Variants in GRIN2D observed in about 807,000 individuals in gnomAD.
The protein encoded by GRIN2D is glutamate ionotropic receptor NMDA type subunit 2D, also known as glutamate receptor ionotropic, NMDA 2D.
GRIN2D carries 37 observed loss-of-function variants against 103.2 expected under a neutral mutation model. That is an observed-to-expected ratio of 0.36 (90% CI 0.28 to 0.47). GRIN2D has a LOEUF of 0.47. Ranked by LOEUF, GRIN2D falls within the 20% of genes least tolerant of loss-of-function variation. The pLI, the probability that GRIN2D is intolerant of heterozygous loss-of-function variation, is 1.00. For synonymous variants in GRIN2D, 845 were observed against 885.6 expected (o/e 0.95, Z 0.81); for missense variants, 1,557 against 1,910.6 (o/e 0.81, Z 3.45).
chr19:48,397,576 GTCT>G (rs756029589), intron 2 of GRIN2D, among the ~76,000 whole-genome samples: 2 of 151,628 alleles, frequency 1.3e-5, no homozygotes, highest in African/African-American at 2.4e-5. Context: ...CTGCCTTGCT[GTCT>G]TCTTCTCTGT....
chr19:48,401,740 C>T (rs1970712665), intron 3 of GRIN2D, among the ~76,000 whole-genome samples: 1 of 152,158 alleles, frequency 6.6e-6, no homozygotes, highest in Non-Finnish European at 1.5e-5. Flanking sequence ...GGGATGTGAT[C>T]CAATTAATAT....
At chr19:48,413,498 AAAAC>A (rs1600977785) in intron 4 of GRIN2D, among the ~76,000 whole-genome samples, 1 of 151,516 alleles carries the variant, frequency 6.6e-6, no homozygotes, top group Non-Finnish European at 1.5e-5. Flanking sequence ...AACAAAAACA[AAAAC>A]AAACAAAATA....
At chr19:48,395,065 AC>A in intron 2 of GRIN2D, 129 bp downstream of exon 2, 1 of 152,316 alleles carries the variant, frequency 6.6e-6, no homozygotes, top group East Asian at 1.9e-4. Flanking sequence ...CTTGACCCCC[AC>A]CTAGCTCCCC....
chr19:48,418,751 G>A (rs1459830693), intron 8 of GRIN2D, among the ~76,000 whole-genome samples: 1 of 152,064 alleles, frequency 6.6e-6, no homozygotes, highest in African/African-American at 2.4e-5. Flanking sequence ...CGTGGGAGCT[G>A]GTCTGGGCTC....
In GRIN2D at chr19:48,443,412, C is replaced by T. The variant is rs775401234; in HGVS notation, c.3486C>T (p.Arg1162=). The change falls in exon 14 of 14, where the codon CGC becomes CGT. Residue 1162 remains arginine (R), a synonymous_variant. Transcript: ENST00000263269. The surrounding 1 kb of genome is among the most constrained non-coding windows in gnomAD (Gnocchi z 8.9). ...CGGTCGACAAGCTCGGGGGCTGGCG[C>T]GCCGGGAGCTGGGACTACCTGCCCC... The part of the protein sequence containing the change: ...YWSVDKLGGW[R]AGSWDYLPPR... 1.4e-4 allele frequency: 195 copies of T among 1,406,800 alleles called. 1 individual carries two copies. The highest frequency in any genetic ancestry group is 1.7e-4 in the Non-Finnish European group (187 of 1,083,834). 87.1% of individuals were successfully genotyped at this position (1,406,800 alleles called of 1,614,324 possible).
Position 48,443,110 on chromosome 19 carries a change from C to T in GRIN2D, c.3184C>T (p.Pro1062Ser). The change falls in exon 14 of 14, where the codon CCG (proline) becomes TCG (serine). Residue 1062 changes from proline (P) to serine (S), a missense_variant. This residue lies in a region of GRIN2D where 632 missense variants were observed against 572.8 expected (regional missense o/e 1.10). Coordinates refer to ENST00000263269, the MANE Select transcript of GRIN2D (RefSeq NM_000836.4). This position sits in a 1 kb window ranked among gnomAD's most constrained non-coding sequence, Gnocchi z 8.9. The part of the protein sequence containing the change: ...DESPPAPARW[P>S]RSDPESQPLL... ...GAGCCCGCCGGCGCCCGCGCGGTGG[C>T]CGCGCTCGGACCCCGAGAGCCAACC... 1 of 1,019,060 alleles carries T rather than the reference C, an allele frequency of 9.8e-7. No homozygotes were observed. The highest frequency in any genetic ancestry group is 1.2e-6 in the Non-Finnish European group (1 of 850,126). The allele number at this position is 1,019,060 out of a possible 1,614,324, so 63.1% of individuals were successfully genotyped here.
At chr19:48,397,495 A>C in intron 2 of GRIN2D, among the ~76,000 whole-genome samples, 1 of 145,458 alleles carries the variant, frequency 6.9e-6, no homozygotes, top group South Asian at 2.2e-4. Flanking sequence ...GCCTCCCTCA[A>C]TCTCAATTGT....
At chr19:48,418,141 C>T (rs932177816) in intron 8 of GRIN2D, among the ~76,000 whole-genome samples, 2 of 150,648 alleles carry the variant, frequency 1.3e-5, no homozygotes, top group Admixed American at 1.3e-4. Context: ...TCAAGCAATT[C>T]TCCTGCCTCA....
chr19:48,402,442 G>A (rs1970727751), intron 3 of GRIN2D, among the ~76,000 whole-genome samples: 1 of 152,092 alleles, frequency 6.6e-6, no homozygotes, highest in African/African-American at 2.4e-5. Flanking sequence ...TCCTGGCCGG[G>A]CGCGGTGGCT....
chr19:48,406,872 A>G (rs1970798633), intron 4 of GRIN2D, among the ~76,000 whole-genome samples: 1 of 152,214 alleles, frequency 6.6e-6, no homozygotes, highest in South Asian at 2.1e-4. Context: ...TTGGAAAAAT[A>G]AACACACAGA....
rs1003470449 is a variant in GRIN2D, at chr19:48,394,619, C to T, written c.-305-39C>T. Among the ~76,000 whole-genome samples, 1 of 152,130 alleles carries T rather than the reference C, an allele frequency of 6.6e-6. No homozygotes were observed. The highest frequency in any genetic ancestry group is 1.5e-5 in the Non-Finnish European group (1 of 68,008). On this transcript the variant is annotated intron_variant, in intron 1 of 13. Transcript: ENST00000263269. This position sits in a 1 kb window ranked among gnomAD's most constrained non-coding sequence, Gnocchi z 5.1. ...ACGGGGTCGGGGCGGCAAGAGGACACCCCGACAGCCTCTGCAATGTCCGGG... is the reference window on the plus strand; with the variant it reads ...ACGGGGTCGGGGCGGCAAGAGGACATCCCGACAGCCTCTGCAATGTCCGGG...
At chr19:48,426,220 C>CTTTTTTTTTTT (rs1253186603) in intron 11 of GRIN2D, among the ~76,000 whole-genome samples, 3,782 of 126,330 alleles carry the variant, frequency 0.03, 93 homozygotes, top group African/African-American at 0.091. Flanking sequence ...TTCTTTCTTT[C>CTTTTTTTTTTT]TTTCTTTTTT....
At chr19:48,410,359 C>T (rs1177241353) in intron 4 of GRIN2D, among the ~76,000 whole-genome samples, 1 of 151,064 alleles carries the variant, frequency 6.6e-6, no homozygotes, top group African/African-American at 2.4e-5. Flanking sequence ...AAAACCCCGT[C>T]TCTACTAAAA....
At chr19:48,441,126 A>G (rs1971285982) in intron 11 of GRIN2D, among the ~76,000 whole-genome samples, 1 of 151,980 alleles carries the variant, frequency 6.6e-6, no homozygotes, top group African/African-American at 2.4e-5. Flanking sequence ...GCACTTTGGG[A>G]GGCTGAGACA....
In GRIN2D at chr19:48,394,010, G is replaced by A. The variant is rs1011214711; in HGVS notation, c.-306+142G>A. Among the ~76,000 whole-genome samples, 10 of 152,098 alleles carry A rather than the reference G, an allele frequency of 6.6e-5. No homozygotes were observed. Among genetic ancestry groups the A allele is most frequent in the Non-Finnish European group, 1.5e-4 (10 of 68,000 alleles). On this transcript the variant is annotated intron_variant, in intron 1 of 13. Coordinates refer to ENST00000263269, the MANE Select transcript of GRIN2D (RefSeq NM_000836.4). The surrounding 1 kb of genome is among the most constrained non-coding windows in gnomAD (Gnocchi z 5.1). ...CCTGCCTGGGTGTCGTGGGGCTCCC[G>A]CTCCTTCCCCCCGGCCCCCCCAAAC...
At chr19:48,413,188 A>G (rs1182278130) in intron 4 of GRIN2D, among the ~76,000 whole-genome samples, 3 of 141,798 alleles carry the variant, frequency 2.1e-5, no homozygotes, top group Non-Finnish European at 4.6e-5. Flanking sequence ...AAAAAAAAAA[A>G]AAGAAAGAGG....
chr19:48,441,891 C>A lies in GRIN2D; in HGVS notation c.2375C>A (p.Ala792Asp). ...KVFATTGYGI[A>D]LHKGSRWKRP... ...TTCGCCACGACAGGCTATGGCATCG[C>A]CCTGCACAAGGGCTCCCGCTGGAAG... Residue 792 changes from alanine (A) to aspartate (D), a missense_variant, in exon 12 of 14, where the codon GCC becomes GAC. By Grantham distance (126) the Ala-to-Asp change is moderately radical. Transcript: ENST00000263269. 1 of 1,613,336 alleles carries A rather than the reference C, an allele frequency of 6.2e-7. No individual in the cohort carries two copies. Among genetic ancestry groups the A allele is most frequent in the African/African-American group, 1.3e-5 (1 of 75,082 alleles).
intron 11 of GRIN2D, among the ~76,000 whole-genome samples, chr19:48,436,616 C>G (rs1390843226): frequency 6.6e-6 from 1 of 152,206 alleles, no homozygotes; most frequent in East Asian, 1.9e-4. Flanking sequence ...AAACCATGAA[C>G]AGAATTCCTT....
At chr19:48,399,385 T>A (rs1019598581) in intron 3 of GRIN2D, among the ~76,000 whole-genome samples, 3 of 152,036 alleles carry the variant, frequency 2.0e-5, no homozygotes, top group Non-Finnish European at 4.4e-5. Context: ...CTGGCCAACA[T>A]GGTGAAACCC....
Sources: gnomAD v4.1 joint callset for allele counts (sites outside exome capture counted in the v4.1 genomes callset) on GRCh38, gnomAD v4.1.1 for gene constraint, gnomAD v4.1.1 regional missense constraint, Gnocchi (gnomAD v3.1) non-coding constraint, MANE v1.5 for transcripts, NCBI Gene and HGNC (gene_info 2026-07-23, HGNC 2026-07-21) for gene names.